NT5DC3: variants seen among roughly 807,000 people sequenced by gnomAD.
NT5DC3 encodes 5'-nucleotidase domain-containing protein 3.
A neutral mutation model predicts 67.8 loss-of-function variants in NT5DC3; 42 were observed. That is an observed-to-expected ratio of 0.62 (90% confidence interval 0.48 to 0.80). NT5DC3 has a LOEUF of 0.80. Ranked by LOEUF, NT5DC3 falls within the 30% of genes least tolerant of loss-of-function variation. NT5DC3 has a pLI of 0.00. For missense variants in NT5DC3, 570 were observed against 696.4 expected, an observed-to-expected ratio of 0.82 and a Z score of 2.04; for synonymous variants, 237 against 255.6, an observed-to-expected ratio of 0.93 and a Z score of 0.69.
intron 1 of NT5DC3, among the ~76,000 whole-genome samples, chr12:103,821,418 G>A (rs1275265692): frequency 6.6e-6 from 1 of 152,208 alleles, no homozygotes; most frequent in African/African-American, 2.4e-5. Context: ...ATGTAACCCA[G>A]GCCTGGCCTA....
At chr12:103,804,139 TC>T (rs1187094024) in intron 4 of NT5DC3, among the ~76,000 whole-genome samples, 1 of 152,198 alleles carries the variant, frequency 6.6e-6, no homozygotes, top group Non-Finnish European at 1.5e-5. Flanking sequence ...TATTTGCTAG[TC>T]GCTATTAGTA....
chr12:103,762,487 C>A, the NT5DC3 span: 7 of 1,592,444 alleles, frequency 4.4e-6, no homozygotes, highest in Admixed American at 1.7e-5. Context: ...TCGGTGGCTG[C>A]GCCAGAGTCC....
the NT5DC3 span, chr12:103,746,684 G>C: frequency 6.2e-7 from 1 of 1,613,998 alleles, no homozygotes; most frequent in East Asian, 2.2e-5. Flanking sequence ...GATTATGAAG[G>C]TGACGGAATC....
chr12:103,834,681 T>TA (rs1406796877), intron 1 of NT5DC3, among the ~76,000 whole-genome samples: 1 of 152,146 alleles, frequency 6.6e-6, no homozygotes, highest in Non-Finnish European at 1.5e-5. Context: ...AAAGCTGATC[T>TA]AAAAAATAAA....
the NT5DC3 span, among the ~76,000 whole-genome samples, chr12:103,750,168 C>T: frequency 4.6e-5 from 7 of 152,204 alleles, no homozygotes; most frequent in Admixed American, 1.3e-4. Context: ...CCCAGGGTTA[C>T]AACAAAAAGA....
At chr12:103,765,018 C>T in the NT5DC3 span, among the ~76,000 whole-genome samples, 2 of 123,604 alleles carry the variant, frequency 1.6e-5, no homozygotes, top group African/African-American at 3.1e-5. Flanking sequence ...AACTGGGAGG[C>T]GGAGGTTGCA....
intron 1 of NT5DC3, among the ~76,000 whole-genome samples, chr12:103,829,815 C>A (rs1887846916): frequency 6.6e-6 from 1 of 151,088 alleles, no homozygotes; most frequent in African/African-American, 2.4e-5. Flanking sequence ...TTTTTCCTGA[C>A]ACATATACAT....
chr12:103,748,968 G>A, the NT5DC3 span: 3 of 1,612,950 alleles, frequency 1.9e-6, no homozygotes, highest in Admixed American at 3.3e-5. Flanking sequence ...TGCAGTTGTG[G>A]ATTTCTGCAA....
At chr12:103,768,087 C>CAAA (rs34935949), downstream of NT5DC3, among the ~76,000 whole-genome samples, 145 of 87,126 alleles carry the variant, frequency 1.7e-3, 2 homozygotes, top group East Asian at 0.015. Context: ...GACTCCTTCT[C>CAAA]AAAAAAAAAA....
At chr12:103,754,963 T>G in the NT5DC3 span, 1 of 215,512 alleles carries the variant, frequency 4.6e-6, no homozygotes, top group East Asian at 1.1e-4. Context: ...AAAAAAAAAT[T>G]TGAGTTCTAT....
chr12:103,796,641 T>C (rs541094529), intron 6 of NT5DC3, among the ~76,000 whole-genome samples: 3 of 152,370 alleles, frequency 2.0e-5, no homozygotes, highest in South Asian at 2.1e-4. Flanking sequence ...CTTGGCCTTC[T>C]GGTCAGAAAG....
chr12:103,765,346 C>T, the NT5DC3 span, among the ~76,000 whole-genome samples: 1 of 152,214 alleles, frequency 6.6e-6, no homozygotes, highest in African/African-American at 2.4e-5. Flanking sequence ...ATTCAGACTA[C>T]ATGGCAAAAA....
At chr12:103,768,466 A>G (rs574989973), downstream of NT5DC3, among the ~76,000 whole-genome samples, 2 of 124,234 alleles carry the variant, frequency 1.6e-5, no homozygotes, top group East Asian at 4.6e-4. Flanking sequence ...TTGTGTTATC[A>G]CAAGCAGGGT....
the NT5DC3 span, among the ~76,000 whole-genome samples, chr12:103,757,170 C>CCTCAACCT: frequency 6.6e-6 from 1 of 151,434 alleles, no homozygotes; most frequent in Non-Finnish European, 1.5e-5. Flanking sequence ...CTCATGGCAG[C>CCTCAACCT]CTCAACCTCC....
Position 103,774,174 on chromosome 12 carries a change from T to C in NT5DC3, c.*3655A>G, listed in dbSNP as rs1334942104. Reference sequence around the variant, plus strand: ...GCTGGACTGTCATATTTGTGATGGCTGCTGCCCTGGACTCATCATTGTTCA... The same window carrying C: ...GCTGGACTGTCATATTTGTGATGGCCGCTGCCCTGGACTCATCATTGTTCA... On this transcript the variant is annotated 3_prime_UTR_variant, in exon 14 of 14. Transcript: ENST00000392876. 6.6e-6 allele frequency: 1 copy of C among 152,264 alleles called. No homozygotes were observed. Among genetic ancestry groups the C allele is most frequent in the East Asian group, 1.9e-4 (1 of 5,202 alleles). 9.4% of individuals were successfully genotyped at this position (152,264 alleles called of 1,614,324 possible). A position where few individuals can be genotyped will look rare whatever the true frequency, so the allele number is the denominator to read the frequency against.
At chr12:103,826,604 T>C (rs1053846295) in intron 1 of NT5DC3, among the ~76,000 whole-genome samples, 1 of 152,222 alleles carries the variant, frequency 6.6e-6, no homozygotes, top group Non-Finnish European at 1.5e-5. Flanking sequence ...AACACCTTGA[T>C]TTTACCCCAG....
At chr12:103,824,604 T>C (rs895436757) in intron 1 of NT5DC3, among the ~76,000 whole-genome samples, 9 of 152,210 alleles carry the variant, frequency 5.9e-5, no homozygotes, top group Admixed American at 3.3e-4. Context: ...ATTTTCACTT[T>C]ATAGTTTTAT....
chr12:103,793,679 T>C (rs2139342790), intron 7 of NT5DC3, among the ~76,000 whole-genome samples, 167 bp from the exon 8 acceptor site: 1 of 152,306 alleles, frequency 6.6e-6, no homozygotes, highest in Middle Eastern at 3.4e-3. Flanking sequence ...ATCTGGTGCA[T>C]CATTCACAAA....
Position 103,820,030 on chromosome 12 carries a change from T to G in NT5DC3, c.209-4909A>C, listed in dbSNP as rs576042962. ...TCATAGAAGTGGAGTCATATGGTCTTTGTCTTTTTGCATAATGACCTCAAG... is the reference window on the plus strand; with the variant it reads ...TCATAGAAGTGGAGTCATATGGTCTGTGTCTTTTTGCATAATGACCTCAAG... On this transcript the variant is annotated intron_variant, in intron 1 of 13. Coordinates refer to ENST00000392876, the MANE Select transcript of NT5DC3 (RefSeq NM_001031701.3). 7.9e-5 allele frequency among the ~76,000 whole-genome samples: 12 copies of G among 152,344 alleles called. No homozygotes were observed. The South Asian group carries it at 2.1e-3, about 26-fold the overall frequency.
Sources: allele counts gnomAD v4.1 joint callset (sites outside exome capture counted in the v4.1 genomes callset), GRCh38; gene constraint gnomAD v4.1.1; transcripts MANE v1.5; gene names NCBI Gene and HGNC (gene_info 2026-07-23, HGNC 2026-07-21).